Variants in FAM184B observed in about 807,000 individuals in gnomAD.
The protein encoded by FAM184B is protein FAM184B.
FAM184B carries 111 observed loss-of-function variants against 135.9 expected under a neutral mutation model. The ratio of observed to expected loss-of-function variants is 0.82; its 90% CI spans 0.70 to 0.96. FAM184B has a LOEUF of 0.96. Among genes scored for constraint, FAM184B ranks in the 40% least tolerant of loss-of-function variants. The pLI is 0.00. For synonymous variants in FAM184B, 552 were observed against 524.8 expected, an observed-to-expected ratio of 1.05 and a Z score of -0.71; for missense variants, 1,375 against 1,323.9, an observed-to-expected ratio of 1.04 and a Z score of -0.60.
In FAM184B at chr4:17,658,405, G is replaced by A; in HGVS notation, c.1982C>T (p.Ala661Val). ...CATGCGCAGGGCTCTCTGGTGGGAA[G>A]CCTCGAGCTGGGCTTTCATGGCGTG... ...QNHAMKAQLE[A>V]SHQRALRMLE... The change falls in exon 10 of 18, where the codon GCT (alanine) becomes GTT (valine). Residue 661 changes from alanine (A) to valine (V), a missense_variant. Physicochemically the swap from Ala to Val is moderately conservative, Grantham distance 64. Coordinates refer to ENST00000265018, the MANE Select transcript of FAM184B (RefSeq NM_015688.2). The A allele has an allele frequency of 1.3e-6, 2 of 1,551,668 alleles. No homozygotes were observed. The highest frequency in any genetic ancestry group is 2.4e-5 in the South Asian group (2 of 84,064).
At chr4:17,708,814 C>A (rs1171828754) in intron 2 of FAM184B, 78 bp downstream of exon 2, 20 of 1,416,950 alleles carry the variant, frequency 1.4e-5, no homozygotes, top group Non-Finnish European at 1.9e-5. Context: ...TAGCACAGTG[C>A]CTGATCTATA....
At chr4:17,659,895 GT>G (rs1715872449) in intron 9 of FAM184B, 62 bp downstream of exon 9, 2 of 1,536,850 alleles carry the variant, frequency 1.3e-6, no homozygotes, top group Non-Finnish European at 1.8e-6. Flanking sequence ...GCATTTCCAA[GT>G]TTGTAAAAAG....
chr4:17,718,147 G>A (rs1717438149), intron 1 of FAM184B, among the ~76,000 whole-genome samples: 1 of 152,136 alleles, frequency 6.6e-6, no homozygotes, highest in African/African-American at 2.4e-5. Context: ...GAGATCAAAT[G>A]ACATTATGAA....
chr4:17,707,402 TG>T (rs1328480617), intron 3 of FAM184B, among the ~76,000 whole-genome samples: 1 of 152,182 alleles, frequency 6.6e-6, no homozygotes, highest in Non-Finnish European at 1.5e-5. Context: ...GGGAAATATC[TG>T]GGGGCAAGGG....
At chr4:17,750,050 A>G (rs1718258701) in intron 1 of FAM184B, among the ~76,000 whole-genome samples, 1 of 152,252 alleles carries the variant, frequency 6.6e-6, no homozygotes, top group Non-Finnish European at 1.5e-5. Context: ...GGTGTTTAGA[A>G]TAAAGATCTG....
intron 1 of FAM184B, among the ~76,000 whole-genome samples, chr4:17,773,485 C>T (rs547837745): frequency 4.6e-5 from 7 of 152,234 alleles, no homozygotes; most frequent in Non-Finnish European, 8.8e-5. Context: ...TACATTTCCT[C>T]TAGTTGGTCC....
chr4:17,674,573 C>T (rs1311776925), intron 7 of FAM184B, among the ~76,000 whole-genome samples: 2 of 152,032 alleles, frequency 1.3e-5, no homozygotes, highest in Non-Finnish European at 1.5e-5. Flanking sequence ...TTTGCCACAT[C>T]GCTTGACTCT....
chr4:17,760,782 AG>A (rs1020937538), intron 1 of FAM184B, among the ~76,000 whole-genome samples: 5 of 152,186 alleles, frequency 3.3e-5, no homozygotes, highest in African/African-American at 7.2e-5. Flanking sequence ...TAAAAGCCCC[AG>A]GGGGTTGCAT....
At chr4:17,760,926 G>T (rs946997310) in intron 1 of FAM184B, among the ~76,000 whole-genome samples, 1 of 152,198 alleles carries the variant, frequency 6.6e-6, no homozygotes, top group Admixed American at 6.5e-5. Flanking sequence ...CTTCCACCTT[G>T]AATGGACAAG....
chr4:17,694,591 C>T (rs1233209968), intron 5 of FAM184B, among the ~76,000 whole-genome samples: 1 of 151,900 alleles, frequency 6.6e-6, no homozygotes. Context: ...GGAAATTGTG[C>T]AAGTATCTAG....
At chr4:17,702,991 A>T (rs1409312624) in intron 5 of FAM184B, among the ~76,000 whole-genome samples, 1 of 152,216 alleles carries the variant, frequency 6.6e-6, no homozygotes. Flanking sequence ...TGGAGTCAGG[A>T]TATCAGATTT....
chr4:17,740,479 G>A (rs1370250239), intron 1 of FAM184B, among the ~76,000 whole-genome samples: 3 of 151,644 alleles, frequency 2.0e-5, no homozygotes, highest in East Asian at 1.9e-4. Flanking sequence ...GTAGATATTC[G>A]TAATTCAGGA....
intron 9 of FAM184B, 70 bp from the exon 10 acceptor site, chr4:17,658,632 G>A: frequency 1.4e-6 from 2 of 1,442,092 alleles, no homozygotes; most frequent in African/African-American, 1.4e-5. Context: ...TCAAATAAAA[G>A]CTTTCTAAAT....
chr4:17,691,664 C>T (rs1294383871), intron 6 of FAM184B, among the ~76,000 whole-genome samples: 6 of 118,340 alleles, frequency 5.1e-5, no homozygotes, highest in South Asian at 2.7e-4. Context: ...CCAGCCTGGG[C>T]GATAGAGTGA....
intron 9 of FAM184B, 79 bp from the exon 10 acceptor site, chr4:17,658,641 A>C: frequency 2.2e-6 from 3 of 1,350,556 alleles, no homozygotes; most frequent in Non-Finnish European, 3.1e-6. Context: ...AGCTTTCTAA[A>C]TGTTACCTCC....
chr4:17,708,701 A>G lies in FAM184B; in HGVS notation c.894+191T>C, dbSNP rs1308400409. ...TATATATATATATATATATATATAT[A>G]TATATATAGTGTCTGTGTGTGTGTG... is the stretch of plus-strand genomic sequence containing the variant. On this transcript the variant is annotated intron_variant, in intron 2 of 17. Transcript: ENST00000265018. Among the ~76,000 whole-genome samples the G allele has an allele frequency of 6.2e-4, 34 of 55,256 alleles. 1 individual carries two copies. Among genetic ancestry groups the G allele is most frequent in the African/African-American group, 8.8e-4 (11 of 12,554 alleles). The allele number at this position is 55,256 out of a possible 152,430, so 36.3% of individuals were successfully genotyped here. A position where few individuals can be genotyped will look rare whatever the true frequency, so the allele number is the denominator to read the frequency against.
In FAM184B at chr4:17,632,376, A is replaced by G. The variant is rs1714978714; in HGVS notation, c.*156T>C. On this transcript the variant is annotated 3_prime_UTR_variant, in exon 18 of 18. Coordinates refer to ENST00000265018, the MANE Select transcript of FAM184B (RefSeq NM_015688.2). Reference sequence around the variant, plus strand: ...AGGCGTGAGCTGCTGTGCCTGGCAGAACAGTATGAAGTGTTAACGCCAAAA... The same window carrying G: ...AGGCGTGAGCTGCTGTGCCTGGCAGGACAGTATGAAGTGTTAACGCCAAAA... 1.8e-6 allele frequency: 1 copy of G among 548,986 alleles called. No homozygotes were observed. The highest frequency in any genetic ancestry group is 2.2e-5 in the South Asian group (1 of 44,512). The allele number at this position is 548,986 out of a possible 1,614,324, so 34.0% of individuals were successfully genotyped here. A position where few individuals can be genotyped will look rare whatever the true frequency, so the allele number is the denominator to read the frequency against.
intron 1 of FAM184B, among the ~76,000 whole-genome samples, chr4:17,767,288 G>A (rs1278681252): frequency 4.6e-5 from 7 of 152,212 alleles, no homozygotes; most frequent in African/African-American, 9.6e-5. Flanking sequence ...CTCCTCAAGC[G>A]TGGCCAGAGT....
chr4:17,723,980 C>G (rs1192502805), intron 1 of FAM184B, among the ~76,000 whole-genome samples: 1 of 152,126 alleles, frequency 6.6e-6, no homozygotes, highest in Non-Finnish European at 1.5e-5. Flanking sequence ...AAACAAGGTA[C>G]AATCTTGTTC....
Sources: gnomAD v4.1 joint callset for allele counts (sites outside exome capture counted in the v4.1 genomes callset) on GRCh38, gnomAD v4.1.1 for gene constraint, MANE v1.5 for transcripts, NCBI Gene and HGNC (gene_info 2026-07-23, HGNC 2026-07-21) for gene names.